The following IDE variants were observed in gnomAD, a reference collection of about 807,000 sequenced individuals.
The protein encoded by IDE is insulin degrading enzyme.
Under a neutral mutation model 133.2 loss-of-function variants are expected in IDE, and 58 were observed. The ratio of observed to expected loss-of-function variants is 0.44; its 90% CI spans 0.35 to 0.54. The LOEUF (loss-of-function observed/expected upper bound fraction) is 0.54. Among genes scored for constraint, IDE ranks in the 20% least tolerant of loss-of-function variants. IDE has a pLI of 0.00. For synonymous variants in IDE, 396 were observed against 421.3 expected, an observed-to-expected ratio of 0.94 and a Z score of 0.73; for missense variants, 981 against 1,234.0, an observed-to-expected ratio of 0.79 and a Z score of 3.07.
chr10:92,551,123 T>C, intron 1 of IDE, among the ~76,000 whole-genome samples: 1 of 152,234 alleles, frequency 6.6e-6, no homozygotes, highest in East Asian at 1.9e-4. Context: ...ATAGCAGCAG[T>C]ACTGGCAACA....
intron 1 of IDE, among the ~76,000 whole-genome samples, chr10:92,569,832 G>A (rs184023887): frequency 1.3e-5 from 2 of 152,178 alleles, no homozygotes; most frequent in East Asian, 1.9e-4. Context: ...AAGTTATTCC[G>A]AGCGCAGTGG....
chr10:92,513,457 T>C (rs1848732775), intron 5 of IDE, among the ~76,000 whole-genome samples: 2 of 152,226 alleles, frequency 1.3e-5, no homozygotes, highest in Admixed American at 6.5e-5. Context: ...CCTTCCGAAG[T>C]GCTGGAATTA....
At chr10:92,508,662 G>A (rs1848431415) in intron 7 of IDE, 66 bp downstream of exon 7, 11 of 1,451,436 alleles carry the variant, frequency 7.6e-6, no homozygotes, top group Non-Finnish European at 9.7e-6. Context: ...CACTATTCAG[G>A]AGAAAATGAG....
chr10:92,542,569 C>A (rs1216188010), intron 1 of IDE, among the ~76,000 whole-genome samples: 2 of 152,200 alleles, frequency 1.3e-5, no homozygotes, highest in Non-Finnish European at 2.9e-5. Context: ...GGATTACAGG[C>A]ATGAGACACT....
chr10:92,509,898 G>A (rs940915027), intron 6 of IDE, 152 bp downstream of exon 6: 21 of 511,176 alleles, frequency 4.1e-5, no homozygotes, highest in African/African-American at 3.9e-4. Context: ...TCCAGCCTGG[G>A]TGACAATGCA....
rs546937645 is a variant in IDE at position 92,488,250 on chromosome 10, G to A, written c.1534-932C>T. Among the ~76,000 whole-genome samples the A allele has an allele frequency of 6.6e-5, 10 of 152,164 alleles. No individual in the cohort carries two copies. In the Middle Eastern group the frequency reaches 0.014, roughly 207 times the overall value. ...CTCCTGAGTAGCTGGGATTACAGGC[G>A]TGTACCACCACACTCAGCTAATTTC... is the stretch of plus-strand genomic sequence containing the variant. On this transcript the variant is annotated intron_variant, in intron 12 of 24. Coordinates refer to ENST00000265986, the MANE Select transcript of IDE (RefSeq NM_004969.4).
chr10:92,501,446 C>CTG (rs1848010003), intron 11 of IDE, among the ~76,000 whole-genome samples: 1 of 143,130 alleles, frequency 7.0e-6, no homozygotes, highest in Non-Finnish European at 1.5e-5. Flanking sequence ...CCAAGGTAGG[C>CTG]AGATCACAAA....
In IDE at chr10:92,458,505, T is replaced by G. The variant is rs972108249; in HGVS notation, c.2824-2074A>C. Among the ~76,000 whole-genome samples, 263 of 137,160 alleles carry G rather than the reference T, an allele frequency of 1.9e-3. 2 individuals carry two copies. The Middle Eastern group carries it at 0.028, about 14-fold the overall frequency. The allele number at this position is 137,160 out of a possible 152,430, so 90.0% of individuals were successfully genotyped here. A position where few individuals can be genotyped will look rare whatever the true frequency, so the allele number is the denominator to read the frequency against. ...TACTCTCTCTGTTTTTTTTTTTTTTTTTTTTTTTTTTTTTGAGATGGAGTC... is the reference window on the plus strand; with the variant it reads ...TACTCTCTCTGTTTTTTTTTTTTTTGTTTTTTTTTTTTTTGAGATGGAGTC... On this transcript the variant is annotated intron_variant, in intron 22 of 24. Coordinates refer to ENST00000265986, the MANE Select transcript of IDE (RefSeq NM_004969.4).
At chr10:92,558,120 T>C (rs1030367948) in intron 1 of IDE, among the ~76,000 whole-genome samples, 1 of 152,196 alleles carries the variant, frequency 6.6e-6, no homozygotes, top group Non-Finnish European at 1.5e-5. Flanking sequence ...AGGCGTGATC[T>C]CAGCTCACCG....
At chr10:92,488,987 T>C (rs958379227) in intron 12 of IDE, among the ~76,000 whole-genome samples, 2 of 141,754 alleles carry the variant, frequency 1.4e-5, no homozygotes, top group African/African-American at 5.2e-5. Context: ...GCAACCAGCC[T>C]GGACAACAGA....
intron 8 of IDE, 59 bp from the exon 9 acceptor site, chr10:92,507,725 G>T: frequency 1.1e-6 from 1 of 932,366 alleles, no homozygotes; most frequent in Non-Finnish European, 1.8e-6. Flanking sequence ...AAAGCAGTGA[G>T]CTCACTCCTA....
At chr10:92,560,373 T>C (rs1843218403) in intron 1 of IDE, among the ~76,000 whole-genome samples, 1 of 152,160 alleles carries the variant, frequency 6.6e-6, no homozygotes, top group South Asian at 2.1e-4. Context: ...TCCAAAAGGT[T>C]CTTGGTCTTC....
intron 20 of IDE, among the ~76,000 whole-genome samples, chr10:92,465,441 T>C (rs915170149): frequency 6.6e-6 from 1 of 152,190 alleles, no homozygotes; most frequent in African/African-American, 2.4e-5. Context: ...AAATGCCCTC[T>C]TTATTGACAT....
chr10:92,472,249 T>C (rs1846004675), intron 17 of IDE, among the ~76,000 whole-genome samples: 1 of 152,226 alleles, frequency 6.6e-6, no homozygotes, highest in East Asian at 1.9e-4. Context: ...CTTATTCTGC[T>C]TAAAATTAAC....
chr10:92,509,624 A>G (rs1252317026), intron 6 of IDE, among the ~76,000 whole-genome samples: 1 of 151,230 alleles, frequency 6.6e-6, no homozygotes, highest in Admixed American at 6.6e-5. Context: ...AAACAAACAA[A>G]AAACACTACA....
intron 13 of IDE, 129 bp downstream of exon 13, chr10:92,487,065 CTT>C: frequency 1.3e-6 from 1 of 789,232 alleles, no homozygotes; most frequent in Non-Finnish European, 2.0e-6. Flanking sequence ...CTTTCTGCAG[CTT>C]TTTTGTCACC....
intron 1 of IDE, among the ~76,000 whole-genome samples, chr10:92,553,612 A>G (rs949121360): frequency 2.6e-5 from 4 of 152,128 alleles, no homozygotes; most frequent in Non-Finnish European, 5.9e-5. Context: ...GACTAAGAAA[A>G]AAAGAGAGAC....
intron 12 of IDE, 31 bp from the exon 13 acceptor site, chr10:92,487,349 T>C: frequency 1.9e-6 from 3 of 1,592,850 alleles, no homozygotes; most frequent in Non-Finnish European, 2.6e-6. Context: ...ACAAATGCAG[T>C]AAGAGTCTGA....
intron 1 of IDE, among the ~76,000 whole-genome samples, chr10:92,539,442 A>G (rs1842191339): frequency 6.6e-6 from 1 of 152,172 alleles, no homozygotes; most frequent in African/African-American, 2.4e-5. Context: ...GAAAATTCAA[A>G]AGCAACTTGA....
Sources: gnomAD v4.1 joint callset for allele counts (sites outside exome capture counted in the v4.1 genomes callset) on GRCh38, gnomAD v4.1.1 for gene constraint, MANE v1.5 for transcripts, NCBI Gene and HGNC (gene_info 2026-07-23, HGNC 2026-07-21) for gene names.